DISP3: variants seen among roughly 807,000 people sequenced by gnomAD.
DISP3 encodes dispatched RND transporter family member 3.
In DISP3, 101 loss-of-function variants were observed where a neutral mutation model predicts 135.3. The observed-to-expected ratio is 0.75, with a 90% CI of 0.64 to 0.88. DISP3 has a LOEUF of 0.88. Ranked by LOEUF, DISP3 falls within the 40% of genes least tolerant of loss-of-function variation. The pLI, the probability that DISP3 is intolerant of heterozygous loss-of-function variation, is 0.00. For missense variants in DISP3, 1,713 were observed against 1,878.6 expected (o/e 0.91, Z 1.63); for synonymous variants, 856 against 817.0 (o/e 1.05, Z -0.81).
rs931688926 is a variant in DISP3 at position 11,531,796 on chromosome 1, G to T, written c.3375+86G>T. 8.0e-6 allele frequency: 12 copies of T among 1,493,048 alleles called. No individual in the cohort carries two copies. In the East Asian group the frequency reaches 2.1e-4, roughly 26 times the overall value. 92.5% of individuals were successfully genotyped at this position (1,493,048 alleles called of 1,614,324 possible). A position where few individuals can be genotyped will look rare whatever the true frequency, so the allele number is the denominator to read the frequency against. ...TGATCCCAGCCCTCTTCCCAGATCG[G>T]GGGGGAGATGCTGAGGCCCAGAGAG... is the stretch of plus-strand genomic sequence containing the variant. On this transcript the variant is annotated intron_variant, in intron 17 of 20. Coordinates refer to ENST00000294484, the MANE Select transcript of DISP3 (RefSeq NM_020780.2). The surrounding 1 kb of genome is among the most constrained non-coding windows in gnomAD (Gnocchi z 5.2).
Position 11,519,906 on chromosome 1 carries a change from CCT to C in DISP3, c.2200+27_2200+28del, listed in dbSNP as rs1280342806. 8 of 1,586,788 alleles carry C rather than the reference CCT, an allele frequency of 5.0e-6. No individual in the cohort carries two copies. Among genetic ancestry groups the C allele is most frequent in the Non-Finnish European group, 6.9e-6 (8 of 1,166,056 alleles). ...GTAAGTGGGCCCTCCGGCCCTGCCC[CCT>C]GTCTCACAGCTCCACCCCCAAAACA... On this transcript the variant is annotated intron_variant, in intron 9 of 20. Coordinates refer to ENST00000294484, the MANE Select transcript of DISP3 (RefSeq NM_020780.2). The surrounding 1 kb of genome is among the most constrained non-coding windows in gnomAD (Gnocchi z 4.3).
Position 11,519,786 on chromosome 1 carries a change from C to T in DISP3, c.2106C>T (p.Asn702=). 1 of 1,613,076 alleles carries T rather than the reference C, an allele frequency of 6.2e-7. No individual in the cohort carries two copies. The change falls in exon 9 of 21, where the codon AAC becomes AAT. Residue 702 remains asparagine, a synonymous_variant. Coordinates refer to ENST00000294484, the MANE Select transcript of DISP3 (RefSeq NM_020780.2). The surrounding 1 kb of genome is among the most constrained non-coding windows in gnomAD (Gnocchi z 4.3). ...CCGAGGGTCTGCAGCCAGCCTCCAA[C>T]ACGGGCAGCCGCGGCCATCTCATCG... ...VSPEGLQPAS[N]TGSRGHLIVQ... is the part of the protein sequence containing the mutation.
intron 1 of DISP3, among the ~76,000 whole-genome samples, chr1:11,486,885 C>G (rs1472704575): frequency 6.6e-6 from 1 of 152,076 alleles, no homozygotes; most frequent in African/African-American, 2.4e-5. Context: ...CCCTATGTTG[C>G]CCAGGCTGGT....
In DISP3 at chr1:11,534,471, G is replaced by C; in HGVS notation, c.3466G>C (p.Glu1156Gln). The C allele has an allele frequency of 6.2e-7, 1 of 1,614,152 alleles. No individual in the cohort carries two copies. Among genetic ancestry groups the C allele is most frequent in the Non-Finnish European group, 8.5e-7 (1 of 1,180,048 alleles). ...CCAGCAGCAGCTGCAGGCCTTGCCC[G>C]AGGGCTCAGTCCTGCGCCGGGGCTT... ...FLQQQLQALP[E>Q]GSVLRRGFQT... The change falls in exon 18 of 21, where the codon GAG becomes CAG. Residue 1156 changes from glutamate (E) to glutamine (Q), a missense_variant. Physicochemically the swap from Glu to Gln is conservative, Grantham distance 29 (BLOSUM62 2). Transcript: ENST00000294484.
intron 3 of DISP3, among the ~76,000 whole-genome samples, chr1:11,504,403 C>CT (rs1298798381): frequency 6.6e-6 from 1 of 152,240 alleles, no homozygotes; most frequent in Non-Finnish European, 1.5e-5. Flanking sequence ...TGCCTTATTT[C>CT]TTTGTCAGGC....
At position 11,519,370 on chromosome 1, in the gene DISP3, C is replaced by T; in HGVS notation, c.1905C>T (p.Cys635=). The T allele has an allele frequency of 6.2e-7, 1 of 1,613,800 alleles. No homozygotes were observed. Among genetic ancestry groups the T allele is most frequent in the Non-Finnish European group, 8.5e-7 (1 of 1,179,962 alleles). ...CTCTCCACAGCTGCCACCAGAATTG[C>T]AGCCGGAAGACCTCCCTGCACTTCC... ...SSCQTSCHQN[C]SRKTSLHFPG... is the part of the protein sequence containing the mutation. The change falls in exon 8 of 21, where the codon TGC becomes TGT. Residue 635 remains cysteine, a synonymous_variant. Coordinates refer to ENST00000294484, the MANE Select transcript of DISP3 (RefSeq NM_020780.2). The surrounding 1 kb of genome is among the most constrained non-coding windows in gnomAD (Gnocchi z 4.3).
intron 11 of DISP3, among the ~76,000 whole-genome samples, chr1:11,524,846 A>C (rs1432975190): frequency 3.7e-5 from 1 of 27,332 alleles, no homozygotes. Flanking sequence ...CTGCCACCCC[A>C]TCCCTGTGCC....
chr1:11,528,103 A>G (rs934523047), intron 13 of DISP3, among the ~76,000 whole-genome samples: 2 of 152,170 alleles, frequency 1.3e-5, no homozygotes, highest in Non-Finnish European at 2.9e-5. Flanking sequence ...TACACTCCAC[A>G]CTTCCTTGAC....
intron 10 of DISP3, among the ~76,000 whole-genome samples, chr1:11,521,993 C>A (rs1642209000): frequency 6.6e-6 from 1 of 152,048 alleles, no homozygotes; most frequent in African/African-American, 2.4e-5. Context: ...GGTGCTGGGA[C>A]CAGCATGCTG....
intron 3 of DISP3, among the ~76,000 whole-genome samples, chr1:11,507,835 A>G (rs1641749710): frequency 6.6e-6 from 1 of 152,226 alleles, no homozygotes; most frequent in Non-Finnish European, 1.5e-5. Context: ...TCTTTTTATA[A>G]TCAGCATCTA....
intron 13 of DISP3, among the ~76,000 whole-genome samples, chr1:11,527,651 C>T (rs1402784448): frequency 1.3e-5 from 2 of 152,250 alleles, no homozygotes; most frequent in East Asian, 1.9e-4. Context: ...GGCAAAGAGA[C>T]GGGCCCGGGA....
chr1:11,529,421 C>A lies in DISP3; in HGVS notation c.2799-135C>A. 1 of 1,092,630 alleles carries A rather than the reference C, an allele frequency of 9.2e-7. No individual in the cohort carries two copies. Among genetic ancestry groups the A allele is most frequent in the Non-Finnish European group, 1.3e-6 (1 of 762,436 alleles). 67.7% of individuals were successfully genotyped at this position (1,092,630 alleles called of 1,614,324 possible). A position where few individuals can be genotyped will look rare whatever the true frequency, so the allele number is the denominator to read the frequency against. ...CCCAGCCCTCAACCTGAGAACAAATCCCCATGCCGGGGCAGAGCCCGAGTC... is the reference window on the plus strand; with the variant it reads ...CCCAGCCCTCAACCTGAGAACAAATACCCATGCCGGGGCAGAGCCCGAGTC... On this transcript the variant is annotated intron_variant, in intron 13 of 20. Transcript: ENST00000294484. This position sits in a 1 kb window ranked among gnomAD's most constrained non-coding sequence, Gnocchi z 4.7.
At position 11,526,670 on chromosome 1, in the gene DISP3, G is replaced by A; in HGVS notation, c.2633G>A (p.Gly878Asp). 1 of 1,614,068 alleles carries A rather than the reference G, an allele frequency of 6.2e-7. No homozygotes were observed. The change falls in exon 13 of 21, where the codon GGT becomes GAT. Residue 878 changes from glycine (G) to aspartate (D), a missense_variant. Physicochemically the swap from Gly to Asp is moderately conservative, Grantham distance 94. Transcript: ENST00000294484. The part of the protein sequence containing the change: ...PSFQVYRAPF[G>D]NFTKKLTACM... ...GCTTAGGTGTATAGAGCGCCTTTTG[G>A]TAACTTCACCAAGAAGCTGACCGCT... is the stretch of plus-strand genomic sequence containing the variant.
chr1:11,531,505 T>C lies in DISP3; in HGVS notation c.3230-60T>C, dbSNP rs1461890666. 3.1e-5 allele frequency: 50 copies of C among 1,610,066 alleles called. No individual in the cohort carries two copies. The highest frequency in any genetic ancestry group is 4.2e-5 in the Non-Finnish European group (50 of 1,177,764). On this transcript the variant is annotated intron_variant, in intron 16 of 20. Coordinates refer to ENST00000294484, the MANE Select transcript of DISP3 (RefSeq NM_020780.2). This position sits in a 1 kb window ranked among gnomAD's most constrained non-coding sequence, Gnocchi z 5.2. ...TGTGAGTGCGTGGGCACAGGTGTGA[T>C]GCAGGGGGACAGGCTCTTCCAGGGC...
In DISP3 at chr1:11,491,651, G is replaced by A. The variant is rs532987601; in HGVS notation, c.-3-9339G>A. 7.2e-5 allele frequency among the ~76,000 whole-genome samples: 11 copies of A among 152,038 alleles called. No homozygotes were observed. In the East Asian group the frequency reaches 2.1e-3, roughly 30 times the overall value. On this transcript the variant is annotated intron_variant, in intron 1 of 20. Transcript: ENST00000294484. This position sits in a 1 kb window ranked among gnomAD's most constrained non-coding sequence, Gnocchi z 4.3. ...AACAAAACAAAACCCGGATTCCTGG[G>A]CCCCACCTCCTCTGACCTGGAATCT...
chr1:11,534,635 T>C, intron 18 of DISP3, 95 bp downstream of exon 18: 1 of 1,461,094 alleles, frequency 6.8e-7, no homozygotes, highest in Non-Finnish European at 9.1e-7. Context: ...ACAATCTCCA[T>C]CCTGGCCAAG....
intron 4 of DISP3, among the ~76,000 whole-genome samples, chr1:11,515,139 A>G (rs1641970206): frequency 6.6e-6 from 1 of 152,216 alleles, no homozygotes; most frequent in Non-Finnish European, 1.5e-5. Context: ...AAGGCTCTTG[A>G]GGTAAGGTCT....
intron 1 of DISP3, among the ~76,000 whole-genome samples, chr1:11,484,910 T>C (rs1454533482): frequency 6.6e-6 from 1 of 152,172 alleles, no homozygotes. Context: ...TCTCCATTAT[T>C]TCCCATCTCA....
chr1:11,501,777 ATG>A lies in DISP3; in HGVS notation c.788_789del (p.Val263GlufsTer30). 1 of 1,597,396 alleles carries A rather than the reference ATG, an allele frequency of 6.3e-7. No individual in the cohort carries two copies. Among genetic ancestry groups the A allele is most frequent in the Non-Finnish European group, 8.5e-7 (1 of 1,170,002 alleles). On this transcript the variant is annotated frameshift_variant, in exon 2 of 21. Coordinates refer to ENST00000294484, the MANE Select transcript of DISP3 (RefSeq NM_020780.2). LOFTEE classifies it high-confidence loss of function. This position sits in a 1 kb window ranked among gnomAD's most constrained non-coding sequence, Gnocchi z 4.9. ...TCGCGCTGGGACTACTCGCGCGCCT[ATG>A]TGAGTGCCAACACTCAGACGCACGC...
Sources: allele counts gnomAD v4.1 joint callset (sites outside exome capture counted in the v4.1 genomes callset), GRCh38; gene constraint gnomAD v4.1.1; non-coding constraint Gnocchi (gnomAD v3.1); transcripts MANE v1.5; gene names NCBI Gene and HGNC (gene_info 2026-07-23, HGNC 2026-07-21).